Variants in MUC12 observed in about 807,000 individuals in gnomAD.
The protein encoded by MUC12 is mucin 12, cell surface associated, also known as mucin-12.
MUC12 carries 172 observed loss-of-function variants against 230.8 expected under a neutral mutation model. That is an observed-to-expected ratio of 0.75 (90% CI 0.66 to 0.85). The LOEUF is 0.85. MUC12 is among the 40% of genes least tolerant of loss of function. MUC12 has a pLI of 0.00. For missense variants in MUC12, 3,506 were observed against 5,920.6 expected, an observed-to-expected ratio of 0.59 and a Z score of 13.38; for synonymous variants, 1,259 against 2,401.9, an observed-to-expected ratio of 0.52 and a Z score of 13.91.
intron 1 of MUC12, 149 bp downstream of exon 1, chr7:100,969,838 C>G: frequency 8.3e-7 from 1 of 1,202,186 alleles, no homozygotes; most frequent in Non-Finnish European, 1.2e-6. Flanking sequence ...GCTGTGACCT[C>G]ATCTTGCTTT....
intron 1 of MUC12, among the ~76,000 whole-genome samples, chr7:100,983,877 G>A (rs901884364): frequency 6.6e-6 from 1 of 152,114 alleles, no homozygotes; most frequent in Non-Finnish European, 1.5e-5. Flanking sequence ...GTAAACCCAA[G>A]AGACTCCCAT....
intron 1 of MUC12, among the ~76,000 whole-genome samples, chr7:100,980,020 C>G (rs1037055119): frequency 6.6e-6 from 1 of 151,328 alleles, no homozygotes; most frequent in Non-Finnish European, 1.5e-5. Flanking sequence ...TGAGAACTCG[C>G]CTCTCTCTCT....
chr7:100,990,530 C>T, intron 1 of MUC12, 101 bp from the exon 2 acceptor site: 1 of 1,386,320 alleles, frequency 7.2e-7, no homozygotes, highest in South Asian at 1.3e-5. Flanking sequence ...CATGGGCTGA[C>T]CAGGTGTCTT....
At position 101,015,619 on chromosome 7, in the gene MUC12, C is replaced by G; in HGVS notation, c.15805C>G (p.Gln5269Glu). The change falls in exon 10 of 12, where the codon CAG becomes GAG. Residue 5269 changes from glutamine to glutamate, a missense_variant. Gln to Glu is a conservative substitution (Grantham distance 29). Coordinates refer to ENST00000536621, the MANE Select transcript of MUC12 (RefSeq NM_001164462.2). ...TCAAGGCATTTCTGTCTGCAGGGAA[C>G]AGTATGATGTGCCTCAAGAGTGGCG... is the stretch of plus-strand genomic sequence containing the variant. Reference protein sequence around the residue: ...SLSQRKRHREQYDVPQEWRKE... With the variant: ...SLSQRKRHREEYDVPQEWRKE... 4 of 1,537,656 alleles carry G rather than the reference C, an allele frequency of 2.6e-6. No individual in the cohort carries two copies. Among genetic ancestry groups the G allele is most frequent in the Non-Finnish European group, 3.5e-6 (4 of 1,146,964 alleles).
intron 5 of MUC12, among the ~76,000 whole-genome samples, chr7:101,010,429 C>T (rs892659863): frequency 3.9e-5 from 6 of 152,024 alleles, no homozygotes; most frequent in South Asian, 4.1e-4. Context: ...CTCAACCTCT[C>T]GGGTTCAAGC....
In MUC12 at chr7:101,012,806, C is replaced by T. The variant is rs913183290; in HGVS notation, c.15404-13C>T. Reference sequence around the variant, plus strand: ...GTTTCTATTCCATCTTCCTTCCCATCCACTCTCGGCAGAGGCCATACTGTG... The same window carrying T: ...GTTTCTATTCCATCTTCCTTCCCATTCACTCTCGGCAGAGGCCATACTGTG... On this transcript the variant is annotated splice_polypyrimidine_tract_variant and intron_variant, in intron 6 of 11. Coordinates refer to ENST00000536621, the MANE Select transcript of MUC12 (RefSeq NM_001164462.2). 3.6e-5 allele frequency: 55 copies of T among 1,536,908 alleles called. No individual in the cohort carries two copies. Among genetic ancestry groups the T allele is most frequent in the Non-Finnish European group, 4.5e-5 (52 of 1,146,704 alleles).
intron 1 of MUC12, among the ~76,000 whole-genome samples, chr7:100,971,115 T>C (rs1193679840): frequency 6.9e-6 from 1 of 144,204 alleles, no homozygotes; most frequent in East Asian, 2.0e-4. Flanking sequence ...GAGATTGCAC[T>C]GCTGCACTCC....
chr7:100,970,161 C>T (rs2116245896), intron 1 of MUC12, among the ~76,000 whole-genome samples: 1 of 152,424 alleles, frequency 6.6e-6, no homozygotes, highest in East Asian at 1.9e-4. Context: ...TTGGAGTAGC[C>T]TCAGGTGCAC....
chr7:100,991,023 G>T lies in MUC12; in HGVS notation c.460G>T (p.Ala154Ser). The T allele has an allele frequency of 6.5e-7, 1 of 1,537,828 alleles. No homozygotes were observed. Among genetic ancestry groups the T allele is most frequent in the Non-Finnish European group, 8.7e-7 (1 of 1,147,056 alleles). Reference protein sequence around the residue: ...PRSPDRTLSPARTTSSGVSEK... With the variant: ...PRSPDRTLSPSRTTSSGVSEK... ...ATCACCAGACAGAACACTCTCACCT[G>T]CCCGCACGACAAGCTCAGGCGTCAG... Residue 154 changes from alanine to serine, a missense_variant, in exon 2 of 12, where the codon GCC becomes TCC. Transcript: ENST00000536621.
At chr7:100,988,903 G>A (rs1004791741) in intron 1 of MUC12, among the ~76,000 whole-genome samples, 4 of 152,008 alleles carry the variant, frequency 2.6e-5, no homozygotes, top group African/African-American at 9.7e-5. Flanking sequence ...TAAGTCTCAC[G>A]AGATCTGATG....
In MUC12 at chr7:101,004,851, G is replaced by T. The variant is rs1452110294; in HGVS notation, c.14288G>T (p.Ser4763Ile). ...SPASMTSSSI[S>I]GEPTSLYSQA... ...GCCAGCATGACAAGCTCCAGCATCA[G>T]TGGAGAACCCACCAGCTTGTATAGC... The change falls in exon 2 of 12, where the codon AGT (serine) becomes ATT (isoleucine). Residue 4763 changes from serine to isoleucine, a missense_variant. Ser to Ile is a moderately radical substitution (Grantham distance 142). Coordinates refer to ENST00000536621, the MANE Select transcript of MUC12 (RefSeq NM_001164462.2). The T allele has an allele frequency of 1.2e-5, 19 of 1,537,074 alleles. No individual in the cohort carries two copies. Among genetic ancestry groups the T allele is most frequent in the Non-Finnish European group, 1.6e-5 (18 of 1,146,554 alleles).
chr7:100,985,926 T>C (rs1793181037), intron 1 of MUC12, among the ~76,000 whole-genome samples: 2 of 152,166 alleles, frequency 1.3e-5, no homozygotes, highest in African/African-American at 4.8e-5. Context: ...CTCTGACCCT[T>C]GTATTCAGGG....
At position 101,015,731 on chromosome 7, in the gene MUC12, G is replaced by A. The variant is rs560923826; in HGVS notation, c.15877+40G>A. On this transcript the variant is annotated intron_variant, in intron 10 of 11. Coordinates refer to ENST00000536621, the MANE Select transcript of MUC12 (RefSeq NM_001164462.2). ...GGGCAAGGAGATGAGCAGAGCTGGA[G>A]GGTGAAGAAAGGCAGGGCGGTGCCT... The A allele has an allele frequency of 7.3e-5, 111 of 1,518,196 alleles. No homozygotes were observed. The Admixed American group carries it at 1.7e-3, about 23-fold the overall frequency. The allele number at this position is 1,518,196 out of a possible 1,614,324, so 94.0% of individuals were successfully genotyped here.
intron 1 of MUC12, among the ~76,000 whole-genome samples, chr7:100,984,459 G>A (rs533138504): frequency 2.6e-5 from 4 of 152,172 alleles, no homozygotes; most frequent in South Asian, 2.1e-4. Context: ...GTTTCACCAC[G>A]TTGGCCAGGC....
chr7:100,973,533 A>T (rs1792956248), intron 1 of MUC12, among the ~76,000 whole-genome samples: 1 of 152,242 alleles, frequency 6.6e-6, no homozygotes, highest in African/African-American at 2.4e-5. Flanking sequence ...GAACTGTGAG[A>T]AATAAATCTA....
rs1562797338 is a variant in MUC12 at position 101,018,642 on chromosome 7, CG to C, written c.*11del. ...TGGTAGCATCCACTGTGTGAGCCAA[CG>C]GGGGCCTCCCACCCTCATCTAGCTC... On this transcript the variant is annotated 3_prime_UTR_variant, in exon 12 of 12. Coordinates refer to ENST00000536621, the MANE Select transcript of MUC12 (RefSeq NM_001164462.2). 2.0e-6 allele frequency: 3 copies of C among 1,535,354 alleles called. No individual in the cohort carries two copies. Among genetic ancestry groups the C allele is most frequent in the South Asian group, 2.4e-5 (2 of 83,874 alleles).
At chr7:101,011,241 G>A (rs1282032870) in intron 5 of MUC12, among the ~76,000 whole-genome samples, 4 of 152,078 alleles carry the variant, frequency 2.6e-5, no homozygotes, top group Admixed American at 2.0e-4. Context: ...CTGGCTCAGC[G>A]TCGGCACCCT....
In MUC12 at chr7:100,991,935, C is replaced by A. The variant is rs781153210; in HGVS notation, c.1372C>A (p.Pro458Thr). The change falls in exon 2 of 12, where the codon CCC becomes ACC. Residue 458 changes from proline to threonine, a missense_variant. Coordinates refer to ENST00000536621, the MANE Select transcript of MUC12 (RefSeq NM_001164462.2). ...AACAGTCTTACCTGCCGGCTCTACA[C>A]CCTCAGTTCTTGTTGGAGACTCGAC... ...ATTVLPAGST[P>T]SVLVGDSTPS... is the part of the protein sequence containing the mutation. The A allele has an allele frequency of 1.0e-5, 16 of 1,537,614 alleles. No homozygotes were observed. The highest frequency in any genetic ancestry group is 4.1e-5 in the African/African-American group (3 of 72,924).
At chr7:100,990,539 T>C (rs1793263615) in intron 1 of MUC12, 92 bp from the exon 2 acceptor site, 1 of 1,460,272 alleles carries the variant, frequency 6.8e-7, no homozygotes, top group Non-Finnish European at 9.2e-7. Context: ...ACCAGGTGTC[T>C]TCCAGCCCGG....
Sources: allele counts gnomAD v4.1 joint callset (sites outside exome capture counted in the v4.1 genomes callset), GRCh38; gene constraint gnomAD v4.1.1; transcripts MANE v1.5; gene names NCBI Gene and HGNC (gene_info 2026-07-23, HGNC 2026-07-21).